SHC1: variants seen among roughly 807,000 people sequenced by gnomAD.
SHC1 encodes SHC-transforming protein 1.
In SHC1, 30 loss-of-function variants were observed where a neutral mutation model predicts 55.9. The observed-to-expected ratio is 0.54, with a 90% confidence interval of 0.40 to 0.73. The LOEUF (loss-of-function observed/expected upper bound fraction) is 0.73, where lower values mean the gene tolerates loss of function less well. Among genes scored for constraint, SHC1 ranks in the 30% least tolerant of loss-of-function variants. SHC1 has a pLI of 0.00. For synonymous variants in SHC1, 309 were observed against 306.1 expected (o/e 1.01, Z -0.10); for missense variants, 675 against 777.1 (o/e 0.87, Z 1.56).
At position 154,969,228 on chromosome 1, in the gene SHC1, G is replaced by A. The variant is rs879556351; in HGVS notation, c.566+150C>T. 6.6e-5 allele frequency: 43 copies of A among 652,822 alleles called. No individual in the cohort carries two copies. The Middle Eastern group carries it at 7.4e-4, about 11-fold the overall frequency. 40.4% of individuals were successfully genotyped at this position (652,822 alleles called of 1,614,324 possible). A position where few individuals can be genotyped will look rare whatever the true frequency, so the allele number is the denominator to read the frequency against. On this transcript the variant is annotated intron_variant, in intron 2 of 11. Transcript: ENST00000448116. Reference sequence around the variant, plus strand: ...CAAAGGGGCCTCCTTTCAGTAAGAGGCGGAATCACTACCTCAGCTTTCTCT... The same window carrying A: ...CAAAGGGGCCTCCTTTCAGTAAGAGACGGAATCACTACCTCAGCTTTCTCT...
rs1655422673 is a variant in SHC1 at position 154,962,323 on chromosome 1, G to A, written c.*1480C>T. 1.3e-5 allele frequency: 2 copies of A among 152,826 alleles called. No individual in the cohort carries two copies. The highest frequency in any genetic ancestry group is 1.3e-4 in the Admixed American group (2 of 15,284). The allele number at this position is 152,826 out of a possible 1,614,324, so 9.5% of individuals were successfully genotyped here. A position where few individuals can be genotyped will look rare whatever the true frequency, so the allele number is the denominator to read the frequency against. On this transcript the variant is annotated 3_prime_UTR_variant, in exon 12 of 12. Transcript: ENST00000448116. ...TAGAAGAAATACGGACTTTAATGAA[G>A]AGTTTTCCCTTTGGTATAAGTGAGA...
intron 6 of SHC1, 61 bp downstream of exon 6, chr1:154,967,915 GACCA>G (rs1318415142): frequency 1.2e-6 from 2 of 1,605,790 alleles, no homozygotes; most frequent in Non-Finnish European, 1.7e-6. Flanking sequence ...GGGTACAGAT[GACCA>G]AAGGTCCTAC....
rs1655842453 is a variant in SHC1 at position 154,965,540 on chromosome 1, C to T, written c.1626+3G>A. Reference sequence around the variant, plus strand: ...CCCTCACCCACACCTCTGCCACACTCACCACACCCTCAGGGTCCACCAGTA... The same window carrying T: ...CCCTCACCCACACCTCTGCCACACTTACCACACCCTCAGGGTCCACCAGTA... On this transcript the variant is annotated splice_donor_region_variant and intron_variant, in intron 11 of 11. Transcript: ENST00000448116. The T allele has an allele frequency of 1.2e-6, 2 of 1,614,224 alleles. No homozygotes were observed. The highest frequency in any genetic ancestry group is 1.7e-6 in the Non-Finnish European group (2 of 1,180,038).
Position 154,968,222 on chromosome 1 carries a change from A to G in SHC1, c.786T>C (p.Phe262=). 6.2e-7 allele frequency: 1 copy of G among 1,614,184 alleles called. No homozygotes were observed. The highest frequency in any genetic ancestry group is 8.5e-7 in the Non-Finnish European group (1 of 1,180,022). The part of the protein sequence containing the change: ...IANHHMQSIS[F]ASGGDPDTAE... Reference sequence around the variant, plus strand: ...AACTCACCGGATCCCCGCCGGATGCAAATGAGATAGATTGCATGTGGTGGT... The same window carrying G: ...AACTCACCGGATCCCCGCCGGATGCGAATGAGATAGATTGCATGTGGTGGT... The change falls in exon 5 of 12, where the codon TTT becomes TTC. Residue 262 remains phenylalanine (F), a synonymous_variant. Transcript: ENST00000448116.
Position 154,970,019 on chromosome 1 carries a change from G to A in SHC1, c.495+13C>T, listed in dbSNP as rs371169999. The A allele has an allele frequency of 6.8e-6, 11 of 1,613,370 alleles. No individual in the cohort carries two copies. The African/African-American group carries it at 1.3e-4, about 20-fold the overall frequency. On this transcript the variant is annotated intron_variant, in intron 1 of 11. Transcript: ENST00000448116. The surrounding 1 kb of genome is among the most constrained non-coding windows in gnomAD (Gnocchi z 5.5). ...GGGTCTGCGGGGGAATGGAGAGGAG[G>A]ATGTTCACTCACCCGAACCAAGTAG...
rs1365327169 is a variant in SHC1, at chr1:154,970,445, A to T, written c.82T>A (p.Ser28Thr). ...GAAGGCAGCTCCTCCGGGGGGGTGGACCCAGAAGCCCCTTCCTCCAGCGAT... is the reference window on the plus strand; with the variant it reads ...GAAGGCAGCTCCTCCGGGGGGGTGGTCCCAGAAGCCCCTTCCTCCAGCGAT... ...LSSLEEGASG[S>T]TPPEELPSPS... The change falls in exon 1 of 12, where the codon TCC (serine) becomes ACC (threonine). Residue 28 changes from serine to threonine, a missense_variant. Ser to Thr is a moderately conservative substitution (Grantham distance 58, BLOSUM62 1). Around this residue, in one of 3 missense-constraint regions of SHC1, gnomAD observed 156 missense variants for 159.1 expected, o/e 0.98. Coordinates refer to ENST00000448116, the MANE Select transcript of SHC1 (RefSeq NM_001130040.2). This position sits in a 1 kb window ranked among gnomAD's most constrained non-coding sequence, Gnocchi z 5.5. 1 of 1,611,262 alleles carries T rather than the reference A, an allele frequency of 6.2e-7. No homozygotes were observed. The highest frequency in any genetic ancestry group is 1.3e-5 in the African/African-American group (1 of 74,834).
Position 154,970,414 on chromosome 1 carries a change from G to T in SHC1, c.113C>A (p.Ser38Ter). Residue 38 changes from serine to a stop codon, truncating the protein, a stop_gained, in exon 1 of 12, where the codon TCA becomes TAA. Coordinates refer to ENST00000448116, the MANE Select transcript of SHC1 (RefSeq NM_001130040.2). LOFTEE classifies it high-confidence loss of function. This position sits in a 1 kb window ranked among gnomAD's most constrained non-coding sequence, Gnocchi z 5.5. ...CAGGATGGGCCCCAGGGATGAAGCT[G>T]ATGGGGAAGGCAGCTCCTCCGGGGG... is the stretch of plus-strand genomic sequence containing the variant. ...STPPEELPSP[S>*]ASSLGPILPP... is the part of the protein sequence containing the mutation. The T allele has an allele frequency of 6.2e-7, 1 of 1,605,788 alleles. No homozygotes were observed.
At chr1:154,964,662 C>T (rs919797384) in intron 11 of SHC1, among the ~76,000 whole-genome samples, 9 of 152,200 alleles carry the variant, frequency 5.9e-5, no homozygotes, top group African/African-American at 1.9e-4. Context: ...GACAAGGTCT[C>T]GCTATGTTGC....
chr1:154,972,491 G>A (rs888386213), upstream of SHC1, among the ~76,000 whole-genome samples: 10 of 152,132 alleles, frequency 6.6e-5, no homozygotes, highest in African/African-American at 2.4e-4. Context: ...CGGGCATAGA[G>A]AGAATGAGGA....
At position 154,964,070 on chromosome 1, in the gene SHC1, T is replaced by C. The variant is rs763652757; in HGVS notation, c.1627-139A>G. 4.6e-6 allele frequency: 4 copies of C among 867,662 alleles called. No homozygotes were observed. The Admixed American group carries it at 6.9e-5, about 15-fold the overall frequency. 53.7% of individuals were successfully genotyped at this position (867,662 alleles called of 1,614,324 possible). On this transcript the variant is annotated intron_variant, in intron 11 of 11. Coordinates refer to ENST00000448116, the MANE Select transcript of SHC1 (RefSeq NM_001130040.2). The stretch of plus-strand genomic sequence containing the variant: ...GGTGGGGGAGAGTGTGGCCTGTCAA[T>C]CCTGATCATTGAGGCTTCTCTAGAA...
At chr1:154,969,634 G>T (rs1656478939) in intron 1 of SHC1, among the ~76,000 whole-genome samples, 186 bp from the exon 2 acceptor site, 1 of 152,190 alleles carries the variant, frequency 6.6e-6, no homozygotes, top group Admixed American at 6.5e-5. Context: ...AAAAAGAAAA[G>T]GCAGGCTAGA....
At chr1:154,969,559 A>T (rs746834932) in intron 1 of SHC1, 111 bp from the exon 2 acceptor site, 1 of 714,778 alleles carries the variant, frequency 1.4e-6, no homozygotes, top group African/African-American at 1.8e-5. Flanking sequence ...AAAGAGGAAG[A>T]AGTTCTGCCC....
chr1:154,970,578 G>C lies in SHC1; in HGVS notation c.-52C>G. On this transcript the variant is annotated 5_prime_UTR_variant, in exon 1 of 12. Transcript: ENST00000448116. The surrounding 1 kb of genome is among the most constrained non-coding windows in gnomAD (Gnocchi z 5.5). ...CCAGCCTGGCCCCCCTGCCAGTTTG[G>C]GCAAGGGGGCCAGGCAGGGGGTATC... 7.2e-7 allele frequency: 1 copy of C among 1,390,574 alleles called. No homozygotes were observed. 86.1% of individuals were successfully genotyped at this position (1,390,574 alleles called of 1,614,324 possible).
upstream of SHC1, chr1:154,970,787 C>G (rs749044194): frequency 1.3e-5 from 5 of 378,204 alleles, no homozygotes; most frequent in African/African-American, 2.1e-5. The surrounding 1 kb of genome is among the most constrained non-coding windows in gnomAD (Gnocchi z 5.5). Context: ...GCTTCTGGCT[C>G]CTCCCCAGGG....
chr1:154,969,005 G>T, intron 2 of SHC1, 171 bp from the exon 3 acceptor site: 1 of 646,446 alleles, frequency 1.5e-6, no homozygotes. Context: ...ACACTGAGAG[G>T]CCACTTCCTG....
At chr1:154,968,880 C>T (rs758643185) in intron 2 of SHC1, 46 bp from the exon 3 acceptor site, 2 of 1,558,998 alleles carry the variant, frequency 1.3e-6, no homozygotes, top group Admixed American at 1.7e-5. Flanking sequence ...CTGCCTGCCT[C>T]CCACTCAACT....
At chr1:154,968,977 G>T in intron 2 of SHC1, 143 bp from the exon 3 acceptor site, 1 of 738,918 alleles carries the variant, frequency 1.4e-6, no homozygotes, top group East Asian at 2.6e-5. Flanking sequence ...TTGAATTAAG[G>T]GCCTTTAATA....
chr1:154,965,809 A>G, intron 10 of SHC1, 28 bp from the exon 11 acceptor site: 1 of 1,594,764 alleles, frequency 6.3e-7, no homozygotes, highest in Non-Finnish European at 8.6e-7. Flanking sequence ...GGGTGAGGGG[A>G]AGTAGCAGGC....
Position 154,966,309 on chromosome 1 carries a change from A to G in SHC1, c.1182+10T>C, listed in dbSNP as rs1430769532. 6.2e-7 allele frequency: 1 copy of G among 1,613,176 alleles called. No individual in the cohort carries two copies. The highest frequency in any genetic ancestry group is 2.2e-5 in the East Asian group (1 of 44,856). ...CCTAGCCCCAGCCCGCCTCCATCCA[A>G]GCAACTTACCAATGTAGCTCCCAAG... On this transcript the variant is annotated intron_variant, in intron 8 of 11. Transcript: ENST00000448116.
Sources: gnomAD v4.1 joint callset for allele counts (sites outside exome capture counted in the v4.1 genomes callset) on GRCh38, gnomAD v4.1.1 for gene constraint, gnomAD v4.1.1 regional missense constraint, Gnocchi (gnomAD v3.1) non-coding constraint, MANE v1.5 for transcripts, NCBI Gene and HGNC (gene_info 2026-07-23, HGNC 2026-07-21) for gene names.